The following SLC24A3 variants were observed in gnomAD, a reference collection of about 807,000 sequenced individuals.
The protein encoded by SLC24A3 is sodium/potassium/calcium exchanger 3.
In SLC24A3, 28 loss-of-function variants were observed where a neutral mutation model predicts 75.8. The observed-to-expected ratio is 0.37, with a 90% CI of 0.27 to 0.51. The LOEUF (loss-of-function observed/expected upper bound fraction) is 0.51. Among genes scored for constraint, SLC24A3 ranks in the 20% least tolerant of loss-of-function variants. The pLI, the probability that SLC24A3 is intolerant of heterozygous loss-of-function variation, is 0.94. For synonymous variants in SLC24A3, 372 were observed against 334.1 expected (o/e 1.11, Z -1.24); for missense variants, 663 against 847.8 (o/e 0.78, Z 2.71).
chr20:19,288,684 C>A (rs1193020565), intron 2 of SLC24A3, among the ~76,000 whole-genome samples: 1 of 152,190 alleles, frequency 6.6e-6, no homozygotes, highest in African/African-American at 2.4e-5. Flanking sequence ...GAGAGCAAAG[C>A]AAGTCGAGTT....
Position 19,530,098 on chromosome 20 carries a change from A to G in SLC24A3, c.348+14534A>G, listed in dbSNP as rs889769058. Among the ~76,000 whole-genome samples the G allele has an allele frequency of 4.7e-4, 71 of 152,070 alleles. 1 individual carries two copies. Reference sequence around the variant, plus strand: ...TGGCCTTTATTTTTTATTTTTTTAAAAAGAGTGTTGGAAAGGAAGTAAAAA... The same window carrying G: ...TGGCCTTTATTTTTTATTTTTTTAAGAAGAGTGTTGGAAAGGAAGTAAAAA... On this transcript the variant is annotated intron_variant, in intron 3 of 16. Transcript: ENST00000328041.
At chr20:19,296,056 G>A (rs897435012) in intron 2 of SLC24A3, among the ~76,000 whole-genome samples, 26 of 151,978 alleles carry the variant, frequency 1.7e-4, no homozygotes, top group African/African-American at 5.8e-4. Flanking sequence ...GTCTATTCAG[G>A]GATTCAACTT....
chr20:19,248,847 G>A (rs1324700653), intron 1 of SLC24A3, among the ~76,000 whole-genome samples: 1 of 151,384 alleles, frequency 6.6e-6, no homozygotes, highest in Non-Finnish European at 1.5e-5. Flanking sequence ...TGACAACATG[G>A]ATGAACCTAG....
At chr20:19,474,039 G>C (rs1339449037) in intron 2 of SLC24A3, among the ~76,000 whole-genome samples, 2 of 152,236 alleles carry the variant, frequency 1.3e-5, no homozygotes, top group African/African-American at 4.8e-5. Context: ...ACTGTCGGAG[G>C]AGATGTTCTA....
intron 6 of SLC24A3, among the ~76,000 whole-genome samples, chr20:19,646,529 C>T (rs2032139305): frequency 6.6e-6 from 1 of 152,150 alleles, no homozygotes; most frequent in South Asian, 2.1e-4. Flanking sequence ...ACAACGATAA[C>T]AGTTAACATT....
At chr20:19,250,655 T>A (rs1285983052) in intron 1 of SLC24A3, among the ~76,000 whole-genome samples, 2 of 152,208 alleles carry the variant, frequency 1.3e-5, no homozygotes, top group East Asian at 1.9e-4. Context: ...TTTTTAAAAA[T>A]TTTTTAATCC....
chr20:19,567,118 A>G (rs915210202), intron 3 of SLC24A3, among the ~76,000 whole-genome samples: 1 of 152,254 alleles, frequency 6.6e-6, no homozygotes, highest in African/African-American at 2.4e-5. Context: ...CAAGAACTTA[A>G]AATAGAACTT....
intron 2 of SLC24A3, among the ~76,000 whole-genome samples, chr20:19,311,268 C>T (rs1984450598): frequency 6.6e-6 from 1 of 152,180 alleles, no homozygotes. Context: ...CCCAGGCTTG[C>T]AGTCAGCAAC....
chr20:19,444,155 ATCCCACC>A (rs1157463891), intron 2 of SLC24A3, among the ~76,000 whole-genome samples: 1 of 152,194 alleles, frequency 6.6e-6, no homozygotes, highest in African/African-American at 2.4e-5. Context: ...TCAAATATCA[ATCCCACC>A]TTGCATAACT....
chr20:19,276,302 T>C (rs1267723521), intron 1 of SLC24A3, among the ~76,000 whole-genome samples: 1 of 152,198 alleles, frequency 6.6e-6, no homozygotes, highest in African/African-American at 2.4e-5. Flanking sequence ...AGAAGTGTCT[T>C]ATTTCTTCGT....
intron 2 of SLC24A3, among the ~76,000 whole-genome samples, chr20:19,347,393 A>G (rs1217016995): frequency 3.9e-5 from 6 of 152,208 alleles, no homozygotes; most frequent in Non-Finnish European, 8.8e-5. Context: ...ATAATAATGT[A>G]TCAATATTGG....
At chr20:19,565,444 G>A (rs1248089857) in intron 3 of SLC24A3, among the ~76,000 whole-genome samples, 2 of 152,068 alleles carry the variant, frequency 1.3e-5, no homozygotes, top group African/African-American at 4.8e-5. Context: ...GATTGGTATA[G>A]TAGTAGGAAA....
chr20:19,722,631 T>A lies in SLC24A3; in HGVS notation c.*1491T>A, dbSNP rs192819457. On this transcript the variant is annotated 3_prime_UTR_variant, in exon 17 of 17. Coordinates refer to ENST00000328041, the MANE Select transcript of SLC24A3 (RefSeq NM_020689.4). ...TTAAGCACTGATCACTTATCATTCA[T>A]TCGGTATGGTTTTCCCTGTCCCTTG... 190 of 152,794 alleles carry A rather than the reference T, an allele frequency of 1.2e-3. No individual in the cohort carries two copies. The highest frequency in any genetic ancestry group is 1.9e-3 in the Non-Finnish European group (131 of 68,038). 9.5% of individuals were successfully genotyped at this position (152,794 alleles called of 1,614,324 possible).
intron 2 of SLC24A3, among the ~76,000 whole-genome samples, chr20:19,511,059 C>G (rs1988528429): frequency 6.6e-6 from 1 of 152,172 alleles, no homozygotes; most frequent in African/African-American, 2.4e-5. Context: ...GCCCCCCACC[C>G]TGCTGCTGAC....
intron 6 of SLC24A3, among the ~76,000 whole-genome samples, chr20:19,613,456 T>C (rs2031697580): frequency 6.6e-6 from 1 of 152,226 alleles, no homozygotes. Context: ...AGTTCTTTTC[T>C]AAAGAGTTCT....
intron 1 of SLC24A3, among the ~76,000 whole-genome samples, chr20:19,246,501 G>GT (rs1242108556): frequency 3.3e-5 from 5 of 152,078 alleles, no homozygotes; most frequent in African/African-American, 1.2e-4. Context: ...AAAAGATAAA[G>GT]TGACTCTTAC....
chr20:19,620,303 G>A (rs2031786941), intron 6 of SLC24A3, among the ~76,000 whole-genome samples: 1 of 152,212 alleles, frequency 6.6e-6, no homozygotes, highest in Non-Finnish European at 1.5e-5. Flanking sequence ...AGTCTTAAGT[G>A]TCTGTGTGTT....
At chr20:19,591,259 C>G (rs2031373188) in intron 6 of SLC24A3, among the ~76,000 whole-genome samples, 1 of 152,144 alleles carries the variant, frequency 6.6e-6, no homozygotes, top group African/African-American at 2.4e-5. Context: ...GATACGATCT[C>G]CTGAAGTCAG....
intron 1 of SLC24A3, among the ~76,000 whole-genome samples, chr20:19,236,407 G>T (rs1982169678): frequency 1.3e-5 from 2 of 152,152 alleles, no homozygotes; most frequent in Non-Finnish European, 1.5e-5. Flanking sequence ...TGATAGACCG[G>T]CCCATATATC....
Sources: gnomAD v4.1 joint callset for allele counts (sites outside exome capture counted in the v4.1 genomes callset) on GRCh38, gnomAD v4.1.1 for gene constraint, MANE v1.5 for transcripts, NCBI Gene and HGNC (gene_info 2026-07-23, HGNC 2026-07-21) for gene names.